ARFGEF2: variants seen among roughly 807,000 people sequenced by gnomAD.
ARFGEF2 encodes the protein ARF guanine nucleotide exchange factor 2.
In ARFGEF2, 74 loss-of-function variants were observed where a neutral mutation model predicts 219.9. The ratio of observed to expected loss-of-function variants is 0.34; its 90% CI spans 0.28 to 0.41. The LOEUF (loss-of-function observed/expected upper bound fraction) is 0.41. Ranked by LOEUF, ARFGEF2 falls within the 10% of genes least tolerant of loss-of-function variation. The probability of loss-of-function intolerance (pLI) is 1.00; values close to 1 mark genes in which losing one functional copy is unlikely to be tolerated. For synonymous variants in ARFGEF2, 733 were observed against 799.2 expected, an observed-to-expected ratio of 0.92 and a Z score of 1.40; for missense variants, 1,743 against 2,218.3, an observed-to-expected ratio of 0.79 and a Z score of 4.30.
intron 6 of ARFGEF2, among the ~76,000 whole-genome samples, chr20:48,960,186 A>G (rs924720314): frequency 1.3e-5 from 2 of 152,238 alleles, no homozygotes; most frequent in Non-Finnish European, 1.5e-5. Flanking sequence ...GGCATATGGT[A>G]TAGCCTATTG....
At chr20:48,957,514 T>C (rs1023242191) in intron 6 of ARFGEF2, among the ~76,000 whole-genome samples, 7 of 152,114 alleles carry the variant, frequency 4.6e-5, no homozygotes, top group African/African-American at 1.7e-4. Context: ...TCAGTAGTGG[T>C]GGTGATATCC....
chr20:48,973,311 T>C (rs2091239848), intron 12 of ARFGEF2, 27 bp downstream of exon 12: 1 of 1,611,908 alleles, frequency 6.2e-7, no homozygotes. Context: ...CACTCAATTA[T>C]ATTAAAGTTT....
rs750719523 is a variant in ARFGEF2 at position 48,985,632 on chromosome 20, T to G, written c.2276+19T>G. On this transcript the variant is annotated intron_variant, in intron 16 of 38. Coordinates refer to ENST00000371917, the MANE Select transcript of ARFGEF2 (RefSeq NM_006420.3). The stretch of plus-strand genomic sequence containing the variant: ...ACCAAGGGTGAGCGCCGATTTTGAG[T>G]CCCTTCCAGATCATCTGTTTGCCTG... 5.6e-6 allele frequency: 9 copies of G among 1,612,746 alleles called. No homozygotes were observed. The highest frequency in any genetic ancestry group is 7.6e-6 in the Non-Finnish European group (9 of 1,179,166).
In ARFGEF2 at chr20:49,036,456, AAAGT is replaced by A; in HGVS notation, c.*3258_*3261del. The stretch of plus-strand genomic sequence containing the variant: ...ATGTTTTACCTCCTTAAAATGCCTA[AAAGT>A]TAGTTAATAGTTACTTTGGTTTAAC... On this transcript the variant is annotated 3_prime_UTR_variant, in exon 39 of 39. Transcript: ENST00000371917. 2.6e-6 allele frequency: 1 copy of A among 385,162 alleles called. No homozygotes were observed. Among genetic ancestry groups the A allele is most frequent in the Non-Finnish European group, 4.6e-6 (1 of 218,350 alleles). 23.9% of individuals were successfully genotyped at this position (385,162 alleles called of 1,614,324 possible). A position where few individuals can be genotyped will look rare whatever the true frequency, so the allele number is the denominator to read the frequency against.
chr20:48,932,095 A>G (rs2090916847), intron 1 of ARFGEF2, among the ~76,000 whole-genome samples: 1 of 152,130 alleles, frequency 6.6e-6, no homozygotes, highest in Admixed American at 6.5e-5. Flanking sequence ...GGTTCTAGAT[A>G]TTATGGATAG....
At chr20:48,985,301 C>G in intron 15 of ARFGEF2, 107 bp from the exon 16 acceptor site, 2 of 1,194,478 alleles carry the variant, frequency 1.7e-6, no homozygotes, top group Non-Finnish European at 2.5e-6. Flanking sequence ...CCAGCCTATT[C>G]TGGGCAGTTA....
chr20:49,021,796 G>C (rs995468076), intron 34 of ARFGEF2, among the ~76,000 whole-genome samples: 49 of 147,666 alleles, frequency 3.3e-4, no homozygotes, highest in Admixed American at 2.1e-3. Flanking sequence ...AGTAAGCAAA[G>C]ATCACGCCAC....
rs1348595276 is a variant in ARFGEF2, at chr20:49,004,665, A to AC, written c.3433-403dup. ...AAAATACAAAAATCAGCCGGCAGGC[A>AC]CCTGTAATCCCAGCTACTTGGGAGG... On this transcript the variant is annotated intron_variant, in intron 25 of 38. Coordinates refer to ENST00000371917, the MANE Select transcript of ARFGEF2 (RefSeq NM_006420.3). Among the ~76,000 whole-genome samples, 4 of 151,022 alleles carry AC rather than the reference A, an allele frequency of 2.6e-5. No homozygotes were observed. In the East Asian group the frequency reaches 8.0e-4, roughly 30 times the overall value.
rs2091665624 is a variant in ARFGEF2 at position 49,036,274 on chromosome 20, A to G, written c.*3075A>G. 1.0e-5 allele frequency: 4 copies of G among 398,222 alleles called. No homozygotes were observed. In the Admixed American group the frequency reaches 1.8e-4, roughly 18 times the overall value. 24.7% of individuals were successfully genotyped at this position (398,222 alleles called of 1,614,324 possible). A position where few individuals can be genotyped will look rare whatever the true frequency, so the allele number is the denominator to read the frequency against. On this transcript the variant is annotated 3_prime_UTR_variant, in exon 39 of 39. Coordinates refer to ENST00000371917, the MANE Select transcript of ARFGEF2 (RefSeq NM_006420.3). ...CAGCAGCTTTGCAGTTTGGGAAACA[A>G]AGAAACCAAAGCTGAGTGTTTTAAA...
intron 13 of ARFGEF2, 31 bp downstream of exon 13, chr20:48,974,905 C>T (rs771501219): frequency 1.3e-6 from 2 of 1,551,006 alleles, no homozygotes; most frequent in Non-Finnish European, 1.8e-6. Context: ...CACCCACCTC[C>T]ATTCATAATA....
At chr20:49,023,924 G>A (rs978207387) in intron 35 of ARFGEF2, among the ~76,000 whole-genome samples, 1 of 151,938 alleles carries the variant, frequency 6.6e-6, no homozygotes, top group Non-Finnish European at 1.5e-5. Context: ...CGCTTTTTTT[G>A]TTTTCTATAT....
chr20:48,966,102 A>C, intron 8 of ARFGEF2, 79 bp downstream of exon 8: 1 of 1,560,962 alleles, frequency 6.4e-7, no homozygotes, highest in Non-Finnish European at 8.8e-7. Context: ...CTTTCCTCAA[A>C]AGAAGCAACT....
At chr20:48,935,941 G>T (rs915187679) in intron 1 of ARFGEF2, among the ~76,000 whole-genome samples, 2 of 132,646 alleles carry the variant, frequency 1.5e-5, no homozygotes, top group South Asian at 2.4e-4. Flanking sequence ...GCTGGCCGGG[G>T]GGGGGGGCTG....
intron 37 of ARFGEF2, among the ~76,000 whole-genome samples, chr20:49,029,832 A>T (rs1427648953): frequency 6.6e-6 from 1 of 150,886 alleles, no homozygotes; most frequent in Non-Finnish European, 1.5e-5. Flanking sequence ...ACCTCAGGTG[A>T]TCTGCCGACC....
chr20:48,941,497 C>G (rs578237543), intron 2 of ARFGEF2, among the ~76,000 whole-genome samples: 1 of 152,268 alleles, frequency 6.6e-6, no homozygotes, highest in African/African-American at 2.4e-5. Context: ...ACAGAACAGG[C>G]AAAGCCCTTG....
At chr20:48,950,171 A>G (rs554106373) in intron 3 of ARFGEF2, among the ~76,000 whole-genome samples, 3 of 152,246 alleles carry the variant, frequency 2.0e-5, no homozygotes, top group South Asian at 2.1e-4. Context: ...ACCAATTTGT[A>G]ACCTCTCAGA....
At chr20:49,013,171 C>T (rs905073671) in intron 28 of ARFGEF2, among the ~76,000 whole-genome samples, 1 of 152,142 alleles carries the variant, frequency 6.6e-6, no homozygotes, top group Non-Finnish European at 1.5e-5. Context: ...AGCACTCAGT[C>T]AATAGTAGCT....
chr20:48,921,772 C>CGGGGCGGCGCGGACGGACGCGGCCG lies in ARFGEF2; in HGVS notation c.-116_-92dup. 9.2e-7 allele frequency: 1 copy of CGGGGCGGCGCGGACGGACGCGGCCG among 1,083,300 alleles called. No individual in the cohort carries two copies. The highest frequency in any genetic ancestry group is 4.9e-5 in the Admixed American group (1 of 20,232). 67.1% of individuals were successfully genotyped at this position (1,083,300 alleles called of 1,614,324 possible). ...GTGGGGCCGAGGTGTCGCTTCCTGACGGGGCGGCGCGGACGGACGCGGCCG... is the reference window on the plus strand; with the variant it reads ...GTGGGGCCGAGGTGTCGCTTCCTGACGGGGCGGCGCGGACGGACGCGGCCGGGGGCGGCGCGGACGGACGCGGCCG... On this transcript the variant is annotated 5_prime_UTR_variant, in exon 1 of 39. Transcript: ENST00000371917.
intron 16 of ARFGEF2, among the ~76,000 whole-genome samples, chr20:48,987,322 A>T (rs956649830): frequency 2.6e-5 from 4 of 152,226 alleles, no homozygotes; most frequent in African/African-American, 9.6e-5. Flanking sequence ...CCTGTTATGG[A>T]CAGTTTGGAC....
Sources: allele counts gnomAD v4.1 joint callset (sites outside exome capture counted in the v4.1 genomes callset), GRCh38; gene constraint gnomAD v4.1.1; transcripts MANE v1.5; gene names NCBI Gene and HGNC (gene_info 2026-07-23, HGNC 2026-07-21).